Variants in FXYD6 observed in about 807,000 individuals in gnomAD.
FXYD6 encodes FXYD domain-containing ion transport regulator 6.
Under a neutral mutation model 16.7 loss-of-function variants are expected in FXYD6, and 7 were observed. That is an observed-to-expected ratio of 0.42 (90% CI 0.24 to 0.79). The LOEUF (loss-of-function observed/expected upper bound fraction) is 0.79. Among genes scored for constraint, FXYD6 ranks in the 30% least tolerant of loss-of-function variants. The pLI, the probability that FXYD6 is intolerant of heterozygous loss-of-function variation, is 0.28. For missense variants in FXYD6, 111 were observed against 116.2 expected, an observed-to-expected ratio of 0.95 and a Z score of 0.21; for synonymous variants, 49 against 43.0, an observed-to-expected ratio of 1.14 and a Z score of -0.54.
rs12221597 is a variant in FXYD6, at chr11:117,858,709, C to T, written c.-5-15928G>A. Among the ~76,000 whole-genome samples, 221 of 105,798 alleles carry T rather than the reference C, an allele frequency of 2.1e-3. 4 individuals carry two copies. The highest frequency in any genetic ancestry group is 5.1e-3 in the Admixed American group (47 of 9,266). The allele number at this position is 105,798 out of a possible 152,430, so 69.4% of individuals were successfully genotyped here. On this transcript the variant is annotated intron_variant, in intron 1 of 7. Coordinates refer to ENST00000526014, the MANE Select transcript of FXYD6 (RefSeq NM_022003.4). ...TTTCTTTCTTTCTTTCTTTCTCTCT[C>T]TCTCTCCTTCCTTCCCTTCCTTCCT...
intron 1 of FXYD6, among the ~76,000 whole-genome samples, chr11:117,857,179 A>G (rs565990289): frequency 2.0e-5 from 3 of 152,252 alleles, no homozygotes; most frequent in East Asian, 3.9e-4. Context: ...GAGGGATGGA[A>G]TCATGTCTAG....
At chr11:117,840,527 G>C (rs924373783) in intron 5 of FXYD6, among the ~76,000 whole-genome samples, 159 bp from the exon 6 acceptor site, 1 of 152,184 alleles carries the variant, frequency 6.6e-6, no homozygotes, top group Admixed American at 6.5e-5. Flanking sequence ...ATGGGACAGA[G>C]GGAAAGGTCT....
chr11:117,864,737 C>T (rs1269172713), intron 1 of FXYD6, among the ~76,000 whole-genome samples: 2 of 152,264 alleles, frequency 1.3e-5, no homozygotes, highest in African/African-American at 4.8e-5. Context: ...CAGGCACCTG[C>T]TACCACACCC....
At chr11:117,861,377 G>C (rs2056903780) in intron 1 of FXYD6, among the ~76,000 whole-genome samples, 1 of 152,230 alleles carries the variant, frequency 6.6e-6, no homozygotes, top group Non-Finnish European at 1.5e-5. Flanking sequence ...GCTGGCAGGG[G>C]AGAGAGGCAG....
chr11:117,860,009 T>C (rs759495384), intron 1 of FXYD6, among the ~76,000 whole-genome samples: 1 of 152,186 alleles, frequency 6.6e-6, no homozygotes, highest in Non-Finnish European at 1.5e-5. Flanking sequence ...GGGCTCCATG[T>C]CTGCCGAAGG....
chr11:117,868,389 T>G (rs1324456757), intron 1 of FXYD6, among the ~76,000 whole-genome samples: 2 of 152,134 alleles, frequency 1.3e-5, no homozygotes, highest in Non-Finnish European at 2.9e-5. Flanking sequence ...GCACTTTCCC[T>G]CTGTGATCTT....
Position 117,872,618 on chromosome 11 carries a change from C to T in FXYD6, c.-6+3974G>A, listed in dbSNP as rs1195252241. Among the ~76,000 whole-genome samples the T allele has an allele frequency of 6.6e-6, 1 of 152,234 alleles. No homozygotes were observed. The highest frequency in any genetic ancestry group is 1.5e-5 in the Non-Finnish European group (1 of 68,032). On this transcript the variant is annotated intron_variant, in intron 1 of 7. Transcript: ENST00000526014. This position sits in a 1 kb window ranked among gnomAD's most constrained non-coding sequence, Gnocchi z 4.9. Reference sequence around the variant, plus strand: ...ACTACACCCCTTCATCCTTGGCCCTCTCTGCCCACATCAGATATTCTGAGC... The same window carrying T: ...ACTACACCCCTTCATCCTTGGCCCTTTCTGCCCACATCAGATATTCTGAGC...
At chr11:117,842,193 AGGGGGTTAG>A (rs1324846901) in intron 2 of FXYD6, 165 bp from the exon 3 acceptor site, 2 of 982,590 alleles carry the variant, frequency 2.0e-6, no homozygotes, top group African/African-American at 3.3e-5. Flanking sequence ...CCTGCCAGTT[AGGGGGTTAG>A]GGGAACCCTA....
chr11:117,853,736 T>C (rs1444114559), intron 1 of FXYD6, among the ~76,000 whole-genome samples: 1 of 152,140 alleles, frequency 6.6e-6, no homozygotes, highest in Non-Finnish European at 1.5e-5. Context: ...CAAGTGATCC[T>C]TCTGGCTCGG....
intron 1 of FXYD6, among the ~76,000 whole-genome samples, chr11:117,857,282 A>G (rs1449762887): frequency 1.3e-5 from 2 of 152,202 alleles, no homozygotes; most frequent in Admixed American, 1.3e-4. Context: ...CATGATCCCC[A>G]GGTGATGTGG....
chr11:117,838,961 T>A (rs1409426830), intron 7 of FXYD6: 1 of 153,040 alleles, frequency 6.5e-6, no homozygotes, highest in Non-Finnish European at 1.5e-5. Flanking sequence ...CTTACTTGTA[T>A]GGGGGGAAAA....
chr11:117,842,768 C>G lies in FXYD6; in HGVS notation c.9G>C (p.Leu3Phe), dbSNP rs1383298793. The change falls in exon 2 of 8, where the codon TTG becomes TTC. Residue 3 changes from leucine to phenylalanine, a missense_variant. Physicochemically the swap from Leu to Phe is conservative, Grantham distance 22. Transcript: ENST00000526014. Reference protein sequence around the residue: MELVLVFLCSLLA... With the variant: MEFVLVFLCSLLA... ...GCAGGCTGCAGAGGAAGACCAGCAC[C>G]AACTCCATGGCGTCTGGGGACAGAG... is the stretch of plus-strand genomic sequence containing the variant. The G allele has an allele frequency of 6.4e-7, 1 of 1,566,792 alleles. No homozygotes were observed. Among genetic ancestry groups the G allele is most frequent in the Admixed American group, 1.9e-5 (1 of 53,092 alleles).
chr11:117,839,610 GT>G (rs2056289143), intron 7 of FXYD6, 170 bp downstream of exon 7: 1 of 686,338 alleles, frequency 1.5e-6, no homozygotes, highest in African/African-American at 1.8e-5. Flanking sequence ...TCTAGTCCTG[GT>G]CTCTCTCACA....
rs1196872433 is a variant in FXYD6, at chr11:117,838,298, A to C, written c.*22-21T>G. On this transcript the variant is annotated intron_variant, in intron 7 of 7. Transcript: ENST00000526014. ...AGAGGCTGAGGAGGAGGATAATTTA[A>C]ATTAAAAACACTTCGGCTGCCTCTG... The C allele has an allele frequency of 1.7e-5, 12 of 702,346 alleles. No homozygotes were observed. In the Admixed American group the frequency reaches 2.0e-4, roughly 12 times the overall value. The allele number at this position is 702,346 out of a possible 1,614,324, so 43.5% of individuals were successfully genotyped here.
intron 1 of FXYD6, among the ~76,000 whole-genome samples, chr11:117,867,903 G>A (rs2057044591): frequency 6.6e-6 from 1 of 152,106 alleles, no homozygotes; most frequent in South Asian, 2.1e-4. Flanking sequence ...GCCACATTCA[G>A]CTCTAAACCC....
At chr11:117,858,583 C>T (rs964054435) in intron 1 of FXYD6, among the ~76,000 whole-genome samples, 1 of 152,196 alleles carries the variant, frequency 6.6e-6, no homozygotes, top group African/African-American at 2.4e-5. Context: ...GGCCCAGGTT[C>T]ATCCTCTGTT....
At chr11:117,846,779 G>A (rs1262631283) in intron 1 of FXYD6, among the ~76,000 whole-genome samples, 1 of 152,186 alleles carries the variant, frequency 6.6e-6, no homozygotes, top group African/African-American at 2.4e-5. Context: ...TAGCTTCATA[G>A]TAATCTTGCC....
Position 117,870,353 on chromosome 11 carries a change from T to C in FXYD6, c.-6+6239A>G, listed in dbSNP as rs1017859389. On this transcript the variant is annotated intron_variant, in intron 1 of 7. Coordinates refer to ENST00000526014, the MANE Select transcript of FXYD6 (RefSeq NM_022003.4). The surrounding 1 kb of genome is among the most constrained non-coding windows in gnomAD (Gnocchi z 4.2). The stretch of plus-strand genomic sequence containing the variant: ...GGCTGCACGCCCCAGCAGGGCGTGA[T>C]GGAGTCAGGCCAGGATGGGATCACC... Among the ~76,000 whole-genome samples the C allele has an allele frequency of 6.6e-6, 1 of 152,130 alleles. No individual in the cohort carries two copies. Among genetic ancestry groups the C allele is most frequent in the African/African-American group, 2.4e-5 (1 of 41,428 alleles).
At chr11:117,838,316 T>C (rs1309968088) in intron 7 of FXYD6, 39 bp from the exon 8 acceptor site, 1 of 702,368 alleles carries the variant, frequency 1.4e-6, no homozygotes, top group Non-Finnish European at 2.6e-6. Context: ...ACACTTCGGC[T>C]GCCTCTGGTA....
Sources: gnomAD v4.1 joint callset for allele counts (sites outside exome capture counted in the v4.1 genomes callset) on GRCh38, gnomAD v4.1.1 for gene constraint, Gnocchi (gnomAD v3.1) non-coding constraint, MANE v1.5 for transcripts, NCBI Gene and HGNC (gene_info 2026-07-23, HGNC 2026-07-21) for gene names.